ANKRD45: variants seen among roughly 807,000 people sequenced by gnomAD.
ANKRD45 encodes the protein ankyrin repeat domain-containing protein 45.
In ANKRD45, 21 loss-of-function variants were observed where a neutral mutation model predicts 28.1. The ratio of observed to expected loss-of-function variants is 0.75; its 90% CI spans 0.53 to 1.08. The LOEUF is 1.08. Ranked by LOEUF, ANKRD45 falls within the 50% of genes least tolerant of loss-of-function variation. The pLI is 0.00. For missense variants in ANKRD45, 261 were observed against 308.7 expected, an observed-to-expected ratio of 0.85 and a Z score of 1.16; for synonymous variants, 86 against 103.9, an observed-to-expected ratio of 0.83 and a Z score of 1.05.
At chr1:173,616,175 C>T (rs1419637620) in intron 5 of ANKRD45, among the ~76,000 whole-genome samples, 2 of 151,890 alleles carry the variant, frequency 1.3e-5, no homozygotes, top group Non-Finnish European at 2.9e-5. Context: ...GAATGAAGTA[C>T]TGATACATGT....
At position 173,669,833 on chromosome 1, in the gene ANKRD45, C is replaced by A. The variant is rs574155110; in HGVS notation, c.-32G>T. ...TAGACTCACCACACCCGGGCCCCGG[C>A]CTCCTCGGTTACCATAGCAACGGCG... On this transcript the variant is annotated 5_prime_UTR_variant, in exon 1 of 6. Transcript: ENST00000333279. The A allele has an allele frequency of 2.9e-5, 5 of 170,598 alleles. No individual in the cohort carries two copies. Among genetic ancestry groups the A allele is most frequent in the East Asian group, 1.9e-4 (1 of 5,242 alleles). 10.6% of individuals were successfully genotyped at this position (170,598 alleles called of 1,614,324 possible).
chr1:173,690,306 T>C, the ANKRD45 span, among the ~76,000 whole-genome samples: 1 of 151,818 alleles, frequency 6.6e-6, no homozygotes, highest in Non-Finnish European at 1.5e-5. Flanking sequence ...GAATTTGGAA[T>C]GGGATCTGAG....
At chr1:173,626,986 A>T in intron 4 of ANKRD45, 79 bp downstream of exon 4, 1 of 977,112 alleles carries the variant, frequency 1.0e-6, no homozygotes, top group Non-Finnish European at 1.6e-6. Context: ...ACCTGCCTTT[A>T]GAACATCAGT....
intron 4 of ANKRD45, 34 bp from the exon 5 acceptor site, chr1:173,624,959 T>C (rs1667864540): frequency 1.3e-6 from 2 of 1,582,538 alleles, no homozygotes; most frequent in Admixed American, 3.7e-5. Flanking sequence ...GCTCTCCACT[T>C]ATTTATTGAA....
chr1:173,672,401 TG>T (rs1222013072), upstream of ANKRD45, among the ~76,000 whole-genome samples: 3 of 152,322 alleles, frequency 2.0e-5, no homozygotes, highest in South Asian at 2.1e-4. Flanking sequence ...TCATAGTCTT[TG>T]TTTTTTAATA....
At chr1:173,685,740 A>C in the ANKRD45 span, among the ~76,000 whole-genome samples, 1 of 152,158 alleles carries the variant, frequency 6.6e-6, no homozygotes, top group African/African-American at 2.4e-5. Context: ...TGGGGGATCA[A>C]ATAAATGCAT....
At chr1:173,668,870 G>A (rs1262649227) in intron 1 of ANKRD45, among the ~76,000 whole-genome samples, 1 of 152,198 alleles carries the variant, frequency 6.6e-6, no homozygotes, top group African/African-American at 2.4e-5. Context: ...GAAGAGGGAA[G>A]GCTGGAACTA....
the ANKRD45 span, among the ~76,000 whole-genome samples, chr1:173,687,454 A>AAC: frequency 1.3e-5 from 1 of 74,414 alleles, no homozygotes; most frequent in Non-Finnish European, 3.1e-5. Flanking sequence ...TATAAATTCT[A>AAC]CCCCCCCCCC....
At chr1:173,650,137 G>T (rs563709722) in intron 2 of ANKRD45, among the ~76,000 whole-genome samples, 1 of 152,138 alleles carries the variant, frequency 6.6e-6, no homozygotes, top group South Asian at 2.1e-4. Context: ...TTAAGTTCTA[G>T]GGTACATATG....
the ANKRD45 span, among the ~76,000 whole-genome samples, chr1:173,695,856 G>A: frequency 6.6e-6 from 1 of 152,058 alleles, no homozygotes; most frequent in Non-Finnish European, 1.5e-5. Context: ...GCACTCCCAG[G>A]CCTATTAGGA....
At chr1:173,616,625 TATTCTG>T (rs1667477998) in intron 5 of ANKRD45, among the ~76,000 whole-genome samples, 2 of 152,208 alleles carry the variant, frequency 1.3e-5, no homozygotes, top group Admixed American at 1.3e-4. Context: ...CTGCCACCAA[TATTCTG>T]ATACGTTCAC....
chr1:173,662,920 A>G (rs774241186), intron 1 of ANKRD45, among the ~76,000 whole-genome samples: 4 of 152,160 alleles, frequency 2.6e-5, no homozygotes, highest in Non-Finnish European at 5.9e-5. Flanking sequence ...TACCCAATCA[A>G]CAATGACTCA....
the ANKRD45 span, among the ~76,000 whole-genome samples, chr1:173,708,100 A>G: frequency 5.9e-5 from 9 of 152,166 alleles, no homozygotes; most frequent in Non-Finnish European, 2.9e-5. Context: ...AGCTATTTCT[A>G]TTTTTAGAGT....
Position 173,659,386 on chromosome 1 carries a change from ACT to A in ANKRD45, c.31_32del (p.Ser11PhefsTer12). 1 of 1,593,598 alleles carries A rather than the reference ACT, an allele frequency of 6.3e-7. No homozygotes were observed. MESEGPPESE[S>X]SEFFSQQEEE... ...CTTCTTGCTGTGAGAAAAATTCTGA[ACT>A]CTCTGACTCTGGAGGTCCTTCTGAC... On this transcript the variant is annotated frameshift_variant, in exon 2 of 6. Transcript: ENST00000333279. LOFTEE classifies it high-confidence loss of function.
the ANKRD45 span, among the ~76,000 whole-genome samples, chr1:173,680,584 ATAAC>A: frequency 6.6e-6 from 1 of 152,100 alleles, no homozygotes; most frequent in African/African-American, 2.4e-5. Context: ...TGGCATGTGT[ATAAC>A]TATGTAATGA....
At chr1:173,638,144 AG>A (rs1360546125) in intron 3 of ANKRD45, among the ~76,000 whole-genome samples, 21 of 152,072 alleles carry the variant, frequency 1.4e-4, no homozygotes, top group African/African-American at 5.1e-4. Context: ...TGCTGGACAG[AG>A]TGCATGAACA....
intron 3 of ANKRD45, chr1:173,635,463 ATTTAGCTATTTTAAAATAGCTAAAT>A (rs1187128122): frequency 4.3e-6 from 5 of 1,170,416 alleles, no homozygotes; most frequent in Non-Finnish European, 5.9e-6. Flanking sequence ...TATTTAGCTA[ATTTAGCTATTTTAAAATAGCTAAAT>A]TTTAGCTACT....
intron 1 of ANKRD45, among the ~76,000 whole-genome samples, chr1:173,668,544 G>A (rs575323139): frequency 1.2e-4 from 19 of 152,284 alleles, no homozygotes; most frequent in African/African-American, 4.3e-4. Flanking sequence ...AACTGATTCC[G>A]TGAGCCATCC....
At chr1:173,610,604 G>C (rs1667102664) in intron 5 of ANKRD45, among the ~76,000 whole-genome samples, 1 of 152,044 alleles carries the variant, frequency 6.6e-6, no homozygotes, top group Non-Finnish European at 1.5e-5. Flanking sequence ...GGTCGGGGGA[G>C]AGAGGCAAAT....
Sources: allele counts gnomAD v4.1 joint callset (sites outside exome capture counted in the v4.1 genomes callset), GRCh38; gene constraint gnomAD v4.1.1; transcripts MANE v1.5; gene names NCBI Gene and HGNC (gene_info 2026-07-23, HGNC 2026-07-21).